IDH2: variants seen among roughly 807,000 people sequenced by gnomAD.
IDH2 encodes isocitrate dehydrogenase [NADP], mitochondrial.
In IDH2, 18 loss-of-function variants were observed where a neutral mutation model predicts 50.5. That is an observed-to-expected ratio of 0.36 (90% CI 0.25 to 0.53). The LOEUF (loss-of-function observed/expected upper bound fraction) is 0.53, where lower values mean the gene tolerates loss of function less well. Ranked by LOEUF, IDH2 falls within the 20% of genes least tolerant of loss-of-function variation. IDH2 has a pLI of 0.92. For synonymous variants in IDH2, 280 were observed against 239.8 expected (o/e 1.17, Z -1.55); for missense variants, 518 against 610.7 (o/e 0.85, Z 1.60).
At position 90,100,469 on chromosome 15, in the gene IDH2, C is replaced by A; in HGVS notation, c.115+1807G>T. 4.5e-6 allele frequency: 1 copy of A among 220,354 alleles called. No homozygotes were observed. The highest frequency in any genetic ancestry group is 7.7e-6 in the Non-Finnish European group (1 of 130,392). The allele number at this position is 220,354 out of a possible 1,614,324, so 13.6% of individuals were successfully genotyped here. ...CAGAAAGATCTGCACACTTAAGGGG[C>A]AAGAATTAAGAAGTTTCTGGGTTAG... On this transcript the variant is annotated intron_variant, in intron 1 of 10. Coordinates refer to ENST00000330062, the MANE Select transcript of IDH2 (RefSeq NM_002168.4). This position sits in a 1 kb window ranked among gnomAD's most constrained non-coding sequence, Gnocchi z 4.1.
intron 1 of IDH2, among the ~76,000 whole-genome samples, chr15:90,096,475 G>T (rs1360692261): frequency 6.6e-6 from 1 of 151,868 alleles, no homozygotes; most frequent in Admixed American, 6.6e-5. Flanking sequence ...ACCACTAAGA[G>T]AGCTACTATC....
intron 5 of IDH2, 87 bp from the exon 6 acceptor site, chr15:90,087,662 C>A: frequency 6.6e-7 from 1 of 1,518,156 alleles, no homozygotes; most frequent in Non-Finnish European, 9.1e-7. Flanking sequence ...AGGCCCAGCT[C>A]TCCAGGAACG....
At chr15:90,090,453 G>A in intron 3 of IDH2, 26 bp downstream of exon 3, 2 of 1,611,134 alleles carry the variant, frequency 1.2e-6, no homozygotes, top group Non-Finnish European at 1.7e-6. Context: ...ACCCTCCCTG[G>A]CCCGCCCACC....
At position 90,100,587 on chromosome 15, in the gene IDH2, C is replaced by G. The variant is rs1596082099; in HGVS notation, c.115+1689G>C. On this transcript the variant is annotated intron_variant, in intron 1 of 10. Transcript: ENST00000330062. The surrounding 1 kb of genome is among the most constrained non-coding windows in gnomAD (Gnocchi z 4.1). Reference sequence around the variant, plus strand: ...AAGCTCTAACTTACCAGAAACATCACCAGCAGTCGCTGGAAGCCTATGGCG... The same window carrying G: ...AAGCTCTAACTTACCAGAAACATCAGCAGCAGTCGCTGGAAGCCTATGGCG... 1 of 983,560 alleles carries G rather than the reference C, an allele frequency of 1.0e-6. No homozygotes were observed. The highest frequency in any genetic ancestry group is 1.2e-6 in the Non-Finnish European group (1 of 828,206). 60.9% of individuals were successfully genotyped at this position (983,560 alleles called of 1,614,324 possible).
Position 90,084,399 on chromosome 15 carries a change from C to A in IDH2, c.1272-46G>T. ...ACATCAGGGGTGGCTCCAGGCCTTG[C>A]CAAGGCCATCAGCCAGGCCCTTCCA... On this transcript the variant is annotated intron_variant, in intron 10 of 10. Transcript: ENST00000330062. The surrounding 1 kb of genome is among the most constrained non-coding windows in gnomAD (Gnocchi z 5.0). 1 of 1,541,662 alleles carries A rather than the reference C, an allele frequency of 6.5e-7. No individual in the cohort carries two copies. Among genetic ancestry groups the A allele is most frequent in the Non-Finnish European group, 8.9e-7 (1 of 1,121,430 alleles).
chr15:90,087,384 G>C, intron 6 of IDH2, 55 bp downstream of exon 6: 1 of 1,613,492 alleles, frequency 6.2e-7, no homozygotes, highest in Admixed American at 1.7e-5. Flanking sequence ...GGTAGGATGG[G>C]AACAGCATGG....
At position 90,088,764 on chromosome 15, in the gene IDH2, A is replaced by G. The variant is rs566198467; in HGVS notation, c.374-17T>C. 1.2e-4 allele frequency: 188 copies of G among 1,613,808 alleles called. 1 individual carries two copies. In the South Asian group the frequency reaches 2.0e-3, roughly 17 times the overall value. On this transcript the variant is annotated splice_polypyrimidine_tract_variant and intron_variant, in intron 3 of 10. Coordinates refer to ENST00000330062, the MANE Select transcript of IDH2 (RefSeq NM_002168.4). ...GCTTGAACTCTGTGAGGACAGAGAT[A>G]ATAGTGGTCCCACTGCAGCCGCCAT...
chr15:90,090,464 T>G lies in IDH2; in HGVS notation c.373+15A>C, dbSNP rs1381144755. 9.3e-6 allele frequency: 15 copies of G among 1,612,086 alleles called. No individual in the cohort carries two copies. Among genetic ancestry groups the G allele is most frequent in the Non-Finnish European group, 1.3e-5 (15 of 1,179,770 alleles). On this transcript the variant is annotated intron_variant, in intron 3 of 10. Transcript: ENST00000330062. ...TGTGACCCTCCCTGGCCCGCCCACC[T>G]CCACACCCTCGCACCTTCCACACGG...
intron 6 of IDH2, 65 bp downstream of exon 6, chr15:90,087,374 G>C: frequency 6.2e-7 from 1 of 1,610,628 alleles, no homozygotes; most frequent in South Asian, 1.1e-5. Flanking sequence ...ACCTTCCCAG[G>C]GTAGGATGGG....
At position 90,085,094 on chromosome 15, in the gene IDH2, C is replaced by T. The variant is rs147578332; in HGVS notation, c.1085G>A (p.Arg362Gln). 5 of 1,613,506 alleles carry T rather than the reference C, an allele frequency of 3.1e-6. No individual in the cohort carries two copies. Among genetic ancestry groups the T allele is most frequent in the Non-Finnish European group, 3.4e-6 (4 of 1,179,918 alleles). Reference sequence around the variant, plus strand: ...GGCGATGGGGTTGGTGCTGGTGGGCCGGCCCTGGGGACGGGGGTTGCAGGG... The same window carrying T: ...GGCGATGGGGTTGGTGCTGGTGGGCTGGCCCTGGGGACGGGGGTTGCAGGG... ...TRHYREHQKG[R>Q]PTSTNPIASI... Residue 362 changes from arginine (R) to glutamine (Q), a missense_variant, in exon 9 of 11, where the codon CGG (arginine) becomes CAG (glutamine). By Grantham distance (43) the Arg-to-Gln change is conservative. Around this residue, in one of 5 missense-constraint regions of IDH2, gnomAD observed 135 missense variants for 167.6 expected, o/e 0.81. Transcript: ENST00000330062. This position sits in a 1 kb window ranked among gnomAD's most constrained non-coding sequence, Gnocchi z 5.5.
At position 90,084,501 on chromosome 15, in the gene IDH2, C is replaced by T; in HGVS notation, c.1272-148G>A. 1 of 764,122 alleles carries T rather than the reference C, an allele frequency of 1.3e-6. No individual in the cohort carries two copies. The highest frequency in any genetic ancestry group is 2.1e-5 in the Admixed American group (1 of 48,128). The allele number at this position is 764,122 out of a possible 1,614,324, so 47.3% of individuals were successfully genotyped here. Reference sequence around the variant, plus strand: ...TACAGGCCAGAGGCCAGCTATAGCCCCCTACCATGAGGCCACCGAGATTCG... The same window carrying T: ...TACAGGCCAGAGGCCAGCTATAGCCTCCTACCATGAGGCCACCGAGATTCG... On this transcript the variant is annotated intron_variant, in intron 10 of 10. Coordinates refer to ENST00000330062, the MANE Select transcript of IDH2 (RefSeq NM_002168.4). The surrounding 1 kb of genome is among the most constrained non-coding windows in gnomAD (Gnocchi z 5.0).
At chr15:90,090,458 C>CCCACCTCCACACCCTCGCACCTT in intron 3 of IDH2, 21 bp downstream of exon 3, 1 of 1,612,026 alleles carries the variant, frequency 6.2e-7, no homozygotes, top group Non-Finnish European at 8.5e-7. Flanking sequence ...CCCTGGCCCG[C>CCCACCTCCACACCCTCGCACCTT]CCACCTCCAC....
At position 90,100,590 on chromosome 15, in the gene IDH2, G is replaced by A. The variant is rs2151556914; in HGVS notation, c.115+1686C>T. 2 of 983,738 alleles carry A rather than the reference G, an allele frequency of 2.0e-6. No individual in the cohort carries two copies. The highest frequency in any genetic ancestry group is 2.4e-6 in the Non-Finnish European group (2 of 828,360). 60.9% of individuals were successfully genotyped at this position (983,738 alleles called of 1,614,324 possible). A position where few individuals can be genotyped will look rare whatever the true frequency, so the allele number is the denominator to read the frequency against. The stretch of plus-strand genomic sequence containing the variant: ...CTCTAACTTACCAGAAACATCACCA[G>A]CAGTCGCTGGAAGCCTATGGCGTTG... On this transcript the variant is annotated intron_variant, in intron 1 of 10. Transcript: ENST00000330062. This position sits in a 1 kb window ranked among gnomAD's most constrained non-coding sequence, Gnocchi z 4.1.
intron 3 of IDH2, among the ~76,000 whole-genome samples, chr15:90,089,567 A>C (rs1245492430): frequency 6.6e-6 from 1 of 152,188 alleles, no homozygotes; most frequent in Non-Finnish European, 1.5e-5. Flanking sequence ...GGTTCAGGTG[A>C]AATGAAGAGC....
chr15:90,085,039 C>T lies in IDH2; in HGVS notation c.1140G>A (p.Glu380=). ...ASIFAWTRGL[E]HRGKLDGNQD... ...GGTTCCCATCCAGCTTCCCCCGGTG[C>T]TCCAGGCCACGTGTCCAGGCAAAGA... The change falls in exon 9 of 11, where the codon GAG becomes GAA. Residue 380 remains glutamate, a synonymous_variant. Coordinates refer to ENST00000330062, the MANE Select transcript of IDH2 (RefSeq NM_002168.4). This position sits in a 1 kb window ranked among gnomAD's most constrained non-coding sequence, Gnocchi z 5.5. The T allele has an allele frequency of 6.2e-7, 1 of 1,614,046 alleles. No individual in the cohort carries two copies. Among genetic ancestry groups the T allele is most frequent in the African/African-American group, 1.3e-5 (1 of 75,028 alleles).
At chr15:90,090,781 C>T (rs28592803) in intron 2 of IDH2, 137 bp from the exon 3 acceptor site, 33 of 908,024 alleles carry the variant, frequency 3.6e-5, no homozygotes, top group African/African-American at 2.9e-4. Context: ...AGTGGAGGGG[C>T]GCAGCAGAAA....
At position 90,087,444 on chromosome 15, in the gene IDH2, A is replaced by C; in HGVS notation, c.810T>G (p.Phe270Leu). 6 of 1,614,158 alleles carry C rather than the reference A, an allele frequency of 3.7e-6. No individual in the cohort carries two copies. The African/African-American group carries it at 6.7e-5, about 18-fold the overall frequency. The change falls in exon 6 of 11, where the codon TTT (phenylalanine) becomes TTG (leucine). Residue 270 changes from phenylalanine (F) to leucine (L), a missense_variant. Coordinates refer to ENST00000330062, the MANE Select transcript of IDH2 (RefSeq NM_002168.4). ...GRFKDIFQEI[F>L]DKHYKTDFDK... ...GTACATGGATGAGGCTTTACTTGTC[A>C]AAGATCTCCTGGAAGATGTCCTTGA... is the stretch of plus-strand genomic sequence containing the variant.
Position 90,098,515 on chromosome 15 carries a change from T to C in IDH2, c.115+3761A>G, listed in dbSNP as rs1198780147. 4.0e-5 allele frequency among the ~76,000 whole-genome samples: 6 copies of C among 150,408 alleles called. No homozygotes were observed. The highest frequency in any genetic ancestry group is 3.3e-4 in the Admixed American group (5 of 15,158). On this transcript the variant is annotated intron_variant, in intron 1 of 10. Coordinates refer to ENST00000330062, the MANE Select transcript of IDH2 (RefSeq NM_002168.4). The surrounding 1 kb of genome is among the most constrained non-coding windows in gnomAD (Gnocchi z 5.1). ...ACTTTGTATATTTTATGTATGTATG[T>C]ATGTATGTATGCATGCATGTATGTA... is the stretch of plus-strand genomic sequence containing the variant.
chr15:90,087,832 CT>C (rs544957075), intron 5 of IDH2, among the ~76,000 whole-genome samples: 1 of 77,600 alleles, frequency 1.3e-5, no homozygotes, highest in South Asian at 4.5e-4. Context: ...TTGGAAACAA[CT>C]TTTTTTTGGA....
Sources: allele counts gnomAD v4.1 joint callset (sites outside exome capture counted in the v4.1 genomes callset), GRCh38; gene constraint gnomAD v4.1.1; regional missense constraint gnomAD v4.1.1; non-coding constraint Gnocchi (gnomAD v3.1); transcripts MANE v1.5; gene names NCBI Gene and HGNC (gene_info 2026-07-23, HGNC 2026-07-21).